YIPF4: variants seen among roughly 807,000 people sequenced by gnomAD.
YIPF4 encodes the protein protein YIPF4.
In YIPF4, 18 loss-of-function variants were observed where a neutral mutation model predicts 29.4. The ratio of observed to expected loss-of-function variants is 0.61; its 90% CI spans 0.42 to 0.91. The LOEUF is 0.91. YIPF4 is among the 40% of genes least tolerant of loss of function. The pLI is 0.00. For missense variants in YIPF4, 279 were observed against 282.7 expected (o/e 0.99, Z 0.09); for synonymous variants, 115 against 104.7 (o/e 1.10, Z -0.60).
intron 1 of YIPF4, 114 bp from the exon 2 acceptor site, chr2:32,290,369 G>C (rs1195064085): frequency 2.8e-6 from 2 of 701,784 alleles, no homozygotes; most frequent in African/African-American, 3.7e-5. Flanking sequence ...TGCAATAGCA[G>C]ATGTTCTTAG....
chr2:32,290,502 A>T lies in YIPF4; in HGVS notation c.99A>T (p.Ala33=). 6.4e-7 allele frequency: 1 copy of T among 1,567,390 alleles called. No homozygotes were observed. Among genetic ancestry groups the T allele is most frequent in the Non-Finnish European group, 8.6e-7 (1 of 1,157,980 alleles). ...ADAEDLSGSI[A]SPDVKLNLGG... ...CCTAAGATCTCAGTGGTTCAATAGC[A>T]TCCCCAGATGTCAAATTAAATCTTG... The change falls in exon 2 of 6, where the codon GCA becomes GCT. Residue 33 remains alanine, a synonymous_variant. Coordinates refer to ENST00000238831, the MANE Select transcript of YIPF4 (RefSeq NM_032312.4).
Position 32,277,959 on chromosome 2 carries a change from C to G in YIPF4, c.-197C>G. Reference sequence around the variant, plus strand: ...CGTCGTGGTGCTTGGGTGGTCGCCACCAAGAAGACTTTGGTGGGGTAGTCT... The same window carrying G: ...CGTCGTGGTGCTTGGGTGGTCGCCAGCAAGAAGACTTTGGTGGGGTAGTCT... On this transcript the variant is annotated 5_prime_UTR_variant, in exon 1 of 6. Coordinates refer to ENST00000238831, the MANE Select transcript of YIPF4 (RefSeq NM_032312.4). 1 of 539,694 alleles carries G rather than the reference C, an allele frequency of 1.9e-6. No homozygotes were observed. The highest frequency in any genetic ancestry group is 3.2e-6 in the Non-Finnish European group (1 of 308,648). The allele number at this position is 539,694 out of a possible 1,614,324, so 33.4% of individuals were successfully genotyped here.
In YIPF4 at chr2:32,306,668, T is replaced by C. The variant is rs890634094; in HGVS notation, c.*1042T>C. On this transcript the variant is annotated 3_prime_UTR_variant, in exon 6 of 6. Coordinates refer to ENST00000238831, the MANE Select transcript of YIPF4 (RefSeq NM_032312.4). ...TGTACAGTTTTTGCTAAGGGAAATA[T>C]TAAGAAATTTTTATCAGTGAAATAT... is the stretch of plus-strand genomic sequence containing the variant. 1.4e-5 allele frequency: 13 copies of C among 903,506 alleles called. No individual in the cohort carries two copies. The highest frequency in any genetic ancestry group is 1.6e-5 in the Non-Finnish European group (12 of 755,562). The allele number at this position is 903,506 out of a possible 1,614,324, so 56.0% of individuals were successfully genotyped here. A position where few individuals can be genotyped will look rare whatever the true frequency, so the allele number is the denominator to read the frequency against.
At chr2:32,296,524 C>T (rs757768587) in intron 3 of YIPF4, among the ~76,000 whole-genome samples, 4 of 151,092 alleles carry the variant, frequency 2.6e-5, no homozygotes, top group Admixed American at 6.6e-5. Flanking sequence ...CATCATAGAA[C>T]GTCACTCATT....
In YIPF4 at chr2:32,313,671, G is replaced by C. The variant is rs1413975749; in HGVS notation, c.*8045G>C. ...GTGAGACACTGTGCCCAGCCTGTCA[G>C]AGCTTTTGAGTAGAAATACGGTATC... On this transcript the variant is annotated 3_prime_UTR_variant, in exon 6 of 6. Coordinates refer to ENST00000238831, the MANE Select transcript of YIPF4 (RefSeq NM_032312.4). 1 of 150,144 alleles carries C rather than the reference G, an allele frequency of 6.7e-6. No individual in the cohort carries two copies. The highest frequency in any genetic ancestry group is 1.5e-5 in the Non-Finnish European group (1 of 67,578). The allele number at this position is 150,144 out of a possible 1,614,324, so 9.3% of individuals were successfully genotyped here. A position where few individuals can be genotyped will look rare whatever the true frequency, so the allele number is the denominator to read the frequency against.
chr2:32,285,866 G>T (rs914393033), intron 1 of YIPF4, among the ~76,000 whole-genome samples: 15 of 152,096 alleles, frequency 9.9e-5, no homozygotes, highest in Non-Finnish European at 2.1e-4. Flanking sequence ...GTCTTGGCCA[G>T]GTTGGTCTCG....
At chr2:32,287,477 G>T (rs1262279004) in intron 1 of YIPF4, among the ~76,000 whole-genome samples, 1 of 152,144 alleles carries the variant, frequency 6.6e-6, no homozygotes, top group African/African-American at 2.4e-5. Context: ...ATATAAGAAT[G>T]TGTCAAGTGC....
intron 4 of YIPF4, 122 bp from the exon 5 acceptor site, chr2:32,301,260 T>C (rs1573541707): frequency 1.5e-6 from 1 of 653,574 alleles, no homozygotes; most frequent in East Asian, 2.7e-5. Flanking sequence ...TATAATAGTT[T>C]ATGATTTCTT....
At position 32,307,337 on chromosome 2, in the gene YIPF4, G is replaced by C. The variant is rs2031612277; in HGVS notation, c.*1711G>C. On this transcript the variant is annotated 3_prime_UTR_variant, in exon 6 of 6. Coordinates refer to ENST00000238831, the MANE Select transcript of YIPF4 (RefSeq NM_032312.4). ...GGACCAGGAGGTAGAATTTTACAAG[G>C]CAATAAATGAAGGTATTTTAAGATC... 2.5e-5 allele frequency: 5 copies of C among 201,814 alleles called. No homozygotes were observed. In the South Asian group the frequency reaches 4.0e-4, roughly 16 times the overall value. 12.5% of individuals were successfully genotyped at this position (201,814 alleles called of 1,614,324 possible).
chr2:32,287,397 A>G (rs1337035345), intron 1 of YIPF4, among the ~76,000 whole-genome samples: 1 of 152,202 alleles, frequency 6.6e-6, no homozygotes, highest in Non-Finnish European at 1.5e-5. Flanking sequence ...CAAGTCTGAG[A>G]TGAGATGAAA....
In YIPF4 at chr2:32,313,038, G is replaced by C. The variant is rs1369061437; in HGVS notation, c.*7412G>C. The C allele has an allele frequency of 6.6e-6, 1 of 152,050 alleles. No individual in the cohort carries two copies. The highest frequency in any genetic ancestry group is 6.6e-5 in the Admixed American group (1 of 15,248). The allele number at this position is 152,050 out of a possible 1,614,324, so 9.4% of individuals were successfully genotyped here. A position where few individuals can be genotyped will look rare whatever the true frequency, so the allele number is the denominator to read the frequency against. On this transcript the variant is annotated 3_prime_UTR_variant, in exon 6 of 6. Transcript: ENST00000238831. Reference sequence around the variant, plus strand: ...AATATACACACACCCTGACTTTAATGAGCTTATTTTGCTGGGGACTCAGCC... The same window carrying C: ...AATATACACACACCCTGACTTTAATCAGCTTATTTTGCTGGGGACTCAGCC...
chr2:32,305,230 C>T (rs935664050), intron 5 of YIPF4, among the ~76,000 whole-genome samples: 4 of 151,990 alleles, frequency 2.6e-5, no homozygotes, highest in Admixed American at 2.6e-4. Flanking sequence ...AGAGAGTCCC[C>T]CAAGTCTTTT....
Position 32,316,016 on chromosome 2 carries a change from C to A in YIPF4, c.*10390C>A. On this transcript the variant is annotated 3_prime_UTR_variant, in exon 6 of 6. Coordinates refer to ENST00000238831, the MANE Select transcript of YIPF4 (RefSeq NM_032312.4). ...GGCAATATAGCGAGACCCCGTTCTC[C>A]CCAAAAAGGAAAAAAAAAAAAAAAC... 1 of 145,088 alleles carries A rather than the reference C, an allele frequency of 6.9e-6. No individual in the cohort carries two copies. The highest frequency in any genetic ancestry group is 1.5e-5 in the Non-Finnish European group (1 of 66,668). 9.0% of individuals were successfully genotyped at this position (145,088 alleles called of 1,614,324 possible).
intron 3 of YIPF4, among the ~76,000 whole-genome samples, chr2:32,293,984 G>A (rs1022869821): frequency 7.0e-6 from 1 of 142,292 alleles, no homozygotes; most frequent in African/African-American, 2.7e-5. Context: ...GGCTGGCTGG[G>A]CAGGGGGCTG....
chr2:32,298,094 A>G (rs2031263090), intron 3 of YIPF4, 140 bp from the exon 4 acceptor site: 1 of 596,266 alleles, frequency 1.7e-6, no homozygotes, highest in Non-Finnish European at 3.0e-6. Flanking sequence ...TTTTGGAGTA[A>G]TACCTGAGAG....
At position 32,307,164 on chromosome 2, in the gene YIPF4, A is replaced by G; in HGVS notation, c.*1538A>G. Reference sequence around the variant, plus strand: ...TAGAATAATATGAAGTAATCAGGAAATATCTATGCCTACAGAAGCAGCAAC... The same window carrying G: ...TAGAATAATATGAAGTAATCAGGAAGTATCTATGCCTACAGAAGCAGCAAC... On this transcript the variant is annotated 3_prime_UTR_variant, in exon 6 of 6. Coordinates refer to ENST00000238831, the MANE Select transcript of YIPF4 (RefSeq NM_032312.4). The G allele has an allele frequency of 7.7e-7, 1 of 1,292,948 alleles. No homozygotes were observed. Among genetic ancestry groups the G allele is most frequent in the Non-Finnish European group, 1.0e-6 (1 of 984,380 alleles). 80.1% of individuals were successfully genotyped at this position (1,292,948 alleles called of 1,614,324 possible). A position where few individuals can be genotyped will look rare whatever the true frequency, so the allele number is the denominator to read the frequency against.
rs2030700412 is a variant in YIPF4, at chr2:32,286,913, T to A, written c.80-3570T>A. On this transcript the variant is annotated intron_variant, in intron 1 of 5. Transcript: ENST00000238831. The stretch of plus-strand genomic sequence containing the variant: ...TTACAAGATTATGCACATGCATTAG[T>A]TTCTTGATCTCTTTCATAGGCCTAT... Among the ~76,000 whole-genome samples the A allele has an allele frequency of 2.6e-5, 4 of 152,274 alleles. No homozygotes were observed. In the South Asian group the frequency reaches 8.3e-4, roughly 32 times the overall value.
chr2:32,288,770 A>T (rs1406288237), intron 1 of YIPF4, among the ~76,000 whole-genome samples: 4 of 152,166 alleles, frequency 2.6e-5, no homozygotes, highest in African/African-American at 9.6e-5. Flanking sequence ...AGATTGCCCC[A>T]CTGCACTCCA....
chr2:32,294,849 G>A (rs1368722611), intron 3 of YIPF4, among the ~76,000 whole-genome samples: 5 of 152,264 alleles, frequency 3.3e-5, no homozygotes, highest in African/African-American at 1.2e-4. Flanking sequence ...CGGATCACTC[G>A]TGGTTAGGAG....
Sources: allele counts gnomAD v4.1 joint callset (sites outside exome capture counted in the v4.1 genomes callset), GRCh38; gene constraint gnomAD v4.1.1; transcripts MANE v1.5; gene names NCBI Gene and HGNC (gene_info 2026-07-23, HGNC 2026-07-21).